EYS: variants seen among roughly 807,000 people sequenced by gnomAD.
EYS encodes protein eyes shut homolog.
Under a neutral mutation model 282.1 loss-of-function variants are expected in EYS, and 250 were observed. The ratio of observed to expected loss-of-function variants is 0.89; its 90% CI spans 0.80 to 0.98. The LOEUF is 0.98. Among genes scored for constraint, EYS ranks in the 50% least tolerant of loss-of-function variants. EYS has a pLI of 0.00. For missense variants in EYS, 4,016 were observed against 3,709.0 expected, an observed-to-expected ratio of 1.08 and a Z score of -2.15; for synonymous variants, 1,355 against 1,282.9, an observed-to-expected ratio of 1.06 and a Z score of -1.20.
rs114347155 is a variant in EYS at position 64,366,021 on chromosome 6, A to G, written c.6078+22669T>C. ...GATGTATGTGCCTGAATTACTTTTC[A>G]TCTATACCTTAGGAATATTTGGTTA... On this transcript the variant is annotated intron_variant, in intron 29 of 42. Coordinates refer to ENST00000503581, the MANE Select transcript of EYS (RefSeq NM_001142800.2). 8.0e-3 allele frequency among the ~76,000 whole-genome samples: 1,217 copies of G among 152,180 alleles called. 9 individuals are homozygous for G. Among genetic ancestry groups the G allele is most frequent in the Non-Finnish European group, 0.012 (837 of 67,966 alleles).
Position 65,486,398 on chromosome 6 carries a change from C to T in EYS, c.862+4196G>A, listed in dbSNP as rs73743909. ...ATCTAAGGGTGCAGGGAAGCTTTGA[C>T]ATTTTGGTAACAGAATGCTCTAGCT... On this transcript the variant is annotated intron_variant, in intron 5 of 42. Coordinates refer to ENST00000503581, the MANE Select transcript of EYS (RefSeq NM_001142800.2). Among the ~76,000 whole-genome samples, 1,165 of 152,256 alleles carry T rather than the reference C, an allele frequency of 7.7e-3. 20 individuals carry two copies. Among genetic ancestry groups the T allele is most frequent in the African/African-American group, 0.026 (1,073 of 41,540 alleles).
intron 26 of EYS, among the ~76,000 whole-genome samples, chr6:64,451,541 G>T (rs1480321902): frequency 1.3e-5 from 2 of 152,028 alleles, no homozygotes; most frequent in Non-Finnish European, 2.9e-5. Context: ...CCAAAGCCTG[G>T]CAAAGACACA....
intron 15 of EYS, among the ~76,000 whole-genome samples, chr6:64,922,621 T>A (rs975723997): frequency 6.6e-6 from 1 of 152,134 alleles, no homozygotes; most frequent in Non-Finnish European, 1.5e-5. Context: ...AAATAGAGGA[T>A]AAATTAAATG....
chr6:65,042,017 A>AGTT (rs1163321094), intron 13 of EYS, among the ~76,000 whole-genome samples: 1 of 151,712 alleles, frequency 6.6e-6, no homozygotes, highest in African/African-American at 2.4e-5. Context: ...GAGACTTAAC[A>AGTT]AATAAAAACC....
chr6:63,762,613 C>T lies in EYS; in HGVS notation c.7919G>A (p.Trp2640Ter), dbSNP rs527236066. ...TGTCTCTGTGCAGAATGATCCTTTCCACCCAGTGGTACAATTGCAGCTGTG... is the reference window on the plus strand; with the variant it reads ...TGTCTCTGTGCAGAATGATCCTTTCTACCCAGTGGTACAATTGCAGCTGTG... ...TSVYCNCTTG[W>*]KGSFCTETVS... The change falls in exon 41 of 43, where the codon TGG becomes TAG. Residue 2640 changes from tryptophan (W) to a stop codon, truncating the protein, a stop_gained. Transcript: ENST00000503581. LOFTEE classifies it high-confidence loss of function. 9 of 1,549,878 alleles carry T rather than the reference C, an allele frequency of 5.8e-6. No homozygotes were observed. In the Admixed American group the frequency reaches 5.9e-5, roughly 10 times the overall value.
intron 26 of EYS, among the ~76,000 whole-genome samples, chr6:64,477,999 C>T (rs1776325502): frequency 6.6e-6 from 1 of 151,998 alleles, no homozygotes; most frequent in Non-Finnish European, 1.5e-5. Flanking sequence ...CATCTCACTC[C>T]CAGCAAAAGC....
intron 12 of EYS, among the ~76,000 whole-genome samples, chr6:65,175,936 C>T (rs1323775421): frequency 6.6e-6 from 1 of 151,454 alleles, no homozygotes; most frequent in African/African-American, 2.4e-5. Flanking sequence ...CAAATCTTTA[C>T]TGCATTATCA....
intron 1 of EYS, among the ~76,000 whole-genome samples, chr6:65,653,784 GC>G (rs1224021716): frequency 2.0e-5 from 3 of 151,858 alleles, no homozygotes; most frequent in Non-Finnish European, 4.4e-5. Context: ...TCTTATAAGA[GC>G]TTTTTAGGAA....
intron 13 of EYS, among the ~76,000 whole-genome samples, chr6:65,046,923 G>C (rs1036420545): frequency 6.6e-6 from 1 of 151,640 alleles, no homozygotes; most frequent in African/African-American, 2.4e-5. Flanking sequence ...GGGAGATCTG[G>C]TCATTTAAAA....
chr6:64,594,249 G>C lies in EYS; in HGVS notation c.3685-940C>G, dbSNP rs141454724. On this transcript the variant is annotated intron_variant, in intron 24 of 42. Transcript: ENST00000503581. ...ATAATTCGCAACAAAGAAAAGCCCAGGACCAGGTGGCTTTACTGCTGAAAT... is the reference window on the plus strand; with the variant it reads ...ATAATTCGCAACAAAGAAAAGCCCACGACCAGGTGGCTTTACTGCTGAAAT... 4.9e-4 allele frequency among the ~76,000 whole-genome samples: 74 copies of C among 152,194 alleles called. No individual in the cohort carries two copies. The East Asian group carries it at 0.011, about 23-fold the overall frequency.
chr6:65,627,935 G>T (rs1766774084), intron 2 of EYS, among the ~76,000 whole-genome samples: 1 of 152,260 alleles, frequency 6.6e-6, no homozygotes, highest in South Asian at 2.1e-4. Context: ...CGAGCGCACG[G>T]CGCAGGACTG....
At chr6:64,977,435 C>G (rs1348658065) in intron 14 of EYS, among the ~76,000 whole-genome samples, 1 of 151,838 alleles carries the variant, frequency 6.6e-6, no homozygotes, top group African/African-American at 2.4e-5. Context: ...TGTTCTCTAG[C>G]TCTCTCCCTC....
At chr6:65,688,143 G>C (rs1250859204) in intron 1 of EYS, among the ~76,000 whole-genome samples, 4 of 152,032 alleles carry the variant, frequency 2.6e-5, no homozygotes, top group Non-Finnish European at 5.9e-5. Flanking sequence ...TAAGCCAAAA[G>C]AACAAAGCTG....
intron 2 of EYS, among the ~76,000 whole-genome samples, chr6:65,614,244 A>C (rs139700162): frequency 1.1e-4 from 16 of 152,114 alleles, no homozygotes; most frequent in African/African-American, 3.8e-4. Flanking sequence ...AGATGCTGAA[A>C]ATTTAGACTA....
chr6:63,889,461 A>G (rs1031079418), intron 35 of EYS, among the ~76,000 whole-genome samples: 7 of 152,320 alleles, frequency 4.6e-5, no homozygotes, highest in African/African-American at 9.6e-5. Context: ...AGTGGGTGTC[A>G]ATATTCAACA....
At chr6:64,458,266 A>T (rs1775626506) in intron 26 of EYS, among the ~76,000 whole-genome samples, 2 of 152,068 alleles carry the variant, frequency 1.3e-5, no homozygotes, top group Admixed American at 6.6e-5. Context: ...TACTTGTACT[A>T]GTCAGTTTTA....
At chr6:64,325,107 T>C (rs1770362224) in intron 29 of EYS, among the ~76,000 whole-genome samples, 1 of 152,184 alleles carries the variant, frequency 6.6e-6, no homozygotes, top group Non-Finnish European at 1.5e-5. Context: ...AAAAAAGCTA[T>C]TCTAAAAGAA....
chr6:64,265,219 C>A (rs1169302584), intron 30 of EYS, among the ~76,000 whole-genome samples: 1 of 151,964 alleles, frequency 6.6e-6, no homozygotes, highest in African/African-American at 2.4e-5. Context: ...CAAAAAATGC[C>A]AATATGCATT....
intron 40 of EYS, among the ~76,000 whole-genome samples, chr6:63,768,008 A>G (rs967710523): frequency 6.6e-6 from 1 of 152,182 alleles, no homozygotes; most frequent in Non-Finnish European, 1.5e-5. Flanking sequence ...GTGCTGGGAT[A>G]ACTGGCTAGC....
Sources: allele counts gnomAD v4.1 joint callset (sites outside exome capture counted in the v4.1 genomes callset), GRCh38; gene constraint gnomAD v4.1.1; transcripts MANE v1.5; gene names NCBI Gene and HGNC (gene_info 2026-07-23, HGNC 2026-07-21).